The following PBX3 variants were observed in gnomAD, a reference collection of about 807,000 sequenced individuals.
The protein encoded by PBX3 is PBX homeobox 3.
A neutral mutation model predicts 48.5 loss-of-function variants in PBX3; 14 were observed. That is an observed-to-expected ratio of 0.29 (90% CI 0.19 to 0.45). PBX3 has a LOEUF of 0.45. PBX3 is among the 20% of genes least tolerant of loss of function. The pLI, the probability that PBX3 is intolerant of heterozygous loss-of-function variation, is 1.00. For synonymous variants in PBX3, 210 were observed against 200.3 expected, an observed-to-expected ratio of 1.05 and a Z score of -0.41; for missense variants, 386 against 546.7, an observed-to-expected ratio of 0.71 and a Z score of 2.93.
intron 2 of PBX3, among the ~76,000 whole-genome samples, chr9:125,857,344 T>C (rs1484075643): frequency 6.6e-6 from 1 of 152,200 alleles, no homozygotes. Flanking sequence ...TTGAGGGTCA[T>C]GTCAATACAC....
chr9:125,762,228 A>G (rs542969592), intron 2 of PBX3, among the ~76,000 whole-genome samples: 8 of 152,270 alleles, frequency 5.3e-5, no homozygotes, highest in African/African-American at 1.2e-4. Flanking sequence ...GCTGAGTACA[A>G]TCATGACTGT....
rs569780717 is a variant in PBX3, at chr9:125,860,689, A to G, written c.275-54997A>G. 1.6e-4 allele frequency among the ~76,000 whole-genome samples: 25 copies of G among 151,772 alleles called. No individual in the cohort carries two copies. The South Asian group carries it at 5.2e-3, about 32-fold the overall frequency. ...GCAGATCACCTGAGGTTAGGAGTTCAAGACCAGCCTGGCCAACATGGTGAA... is the reference window on the plus strand; with the variant it reads ...GCAGATCACCTGAGGTTAGGAGTTCGAGACCAGCCTGGCCAACATGGTGAA... On this transcript the variant is annotated intron_variant, in intron 2 of 8. Coordinates refer to ENST00000373489, the MANE Select transcript of PBX3 (RefSeq NM_006195.6).
intron 2 of PBX3, among the ~76,000 whole-genome samples, chr9:125,898,632 G>A (rs191833461): frequency 6.6e-6 from 1 of 151,740 alleles, no homozygotes; most frequent in East Asian, 1.9e-4. Context: ...ATTAAACTCA[G>A]GGGAGGCATG....
intron 2 of PBX3, among the ~76,000 whole-genome samples, chr9:125,865,889 C>A (rs1263384234): frequency 6.6e-6 from 1 of 152,066 alleles, no homozygotes; most frequent in Non-Finnish European, 1.5e-5. Flanking sequence ...TTAAGTTAGG[C>A]TGGGTAATGT....
At position 125,747,635 on chromosome 9, in the gene PBX3, T is replaced by C; in HGVS notation, c.182T>C (p.Leu61Ser). The change falls in exon 1 of 9, where the codon TTG (leucine) becomes TCG (serine). Residue 61 changes from leucine (L) to serine (S), a missense_variant. Leu to Ser is a moderately radical substitution (Grantham distance 145). Transcript: ENST00000373489. ...ATCATGACCATCACCGACCAGAGCT[T>C]GGACGAGGCGCAAGCAAAGTTGGTG... ...HQIMTITDQS[L>S]DEAQAKKHAL... is the part of the protein sequence containing the mutation. 6.3e-7 allele frequency: 1 copy of C among 1,593,076 alleles called. No homozygotes were observed. The highest frequency in any genetic ancestry group is 1.4e-5 in the African/African-American group (1 of 72,546).
intron 2 of PBX3, among the ~76,000 whole-genome samples, chr9:125,852,749 A>T (rs1474722193): frequency 6.6e-6 from 1 of 152,186 alleles, no homozygotes; most frequent in Admixed American, 6.5e-5. Flanking sequence ...TAGTTGTTAT[A>T]ACTTTTTCTG....
intron 2 of PBX3, among the ~76,000 whole-genome samples, chr9:125,852,417 C>T (rs1384693954): frequency 1.3e-5 from 2 of 152,102 alleles, no homozygotes; most frequent in Non-Finnish European, 2.9e-5. Context: ...TTAATTCAAG[C>T]CGTTAATGTG....
At chr9:125,878,080 T>A (rs1840298519) in intron 2 of PBX3, among the ~76,000 whole-genome samples, 1 of 152,252 alleles carries the variant, frequency 6.6e-6, no homozygotes, top group African/African-American at 2.4e-5. Context: ...CTTTACTGAT[T>A]TTGCCACCAT....
chr9:125,758,587 A>G (rs1185050378), intron 2 of PBX3, among the ~76,000 whole-genome samples: 3 of 152,174 alleles, frequency 2.0e-5, no homozygotes. Context: ...ATGTTCCCAT[A>G]AAGTTTTCCC....
intron 2 of PBX3, among the ~76,000 whole-genome samples, chr9:125,772,627 G>C (rs886465371): frequency 2.0e-5 from 3 of 152,216 alleles, no homozygotes; most frequent in Admixed American, 6.5e-5. Flanking sequence ...TTTTCCTAAA[G>C]TAAGGCCACT....
intron 2 of PBX3, among the ~76,000 whole-genome samples, chr9:125,777,718 G>T (rs1355468886): frequency 1.3e-5 from 2 of 151,992 alleles, no homozygotes; most frequent in Admixed American, 1.3e-4. Flanking sequence ...TTGGTCCTGG[G>T]CTTTTTTGGA....
In PBX3 at chr9:125,950,806, A is replaced by G. The variant is rs117332454; in HGVS notation, c.844-9878A>G. On this transcript the variant is annotated intron_variant, in intron 5 of 8. Transcript: ENST00000373489. ...CAAATTTGCAACTTATTTTCTTAGAAGAGAAAAAAAATTGTGTGGATTCTT... is the reference window on the plus strand; with the variant it reads ...CAAATTTGCAACTTATTTTCTTAGAGGAGAAAAAAAATTGTGTGGATTCTT... Among the ~76,000 whole-genome samples, 523 of 152,278 alleles carry G rather than the reference A, an allele frequency of 3.4e-3. 4 individuals are homozygous for G. Among genetic ancestry groups the G allele is most frequent in the Non-Finnish European group, 5.5e-3 (376 of 68,004 alleles).
In PBX3 at chr9:125,809,688, A is replaced by G. The variant is rs117302173; in HGVS notation, c.274+61065A>G. The stretch of plus-strand genomic sequence containing the variant: ...TAAACAATATAAAAATCACAATCAT[A>G]AAGGAAATATTCAGCTATATTAAAA... On this transcript the variant is annotated intron_variant, in intron 2 of 8. Transcript: ENST00000373489. 6.6e-3 allele frequency among the ~76,000 whole-genome samples: 1,007 copies of G among 152,342 alleles called. 11 individuals carry two copies. The highest frequency in any genetic ancestry group is 8.3e-3 in the Non-Finnish European group (563 of 68,036).
At chr9:125,928,755 G>A (rs745698736) in intron 3 of PBX3, among the ~76,000 whole-genome samples, 4 of 152,116 alleles carry the variant, frequency 2.6e-5, no homozygotes, top group South Asian at 2.1e-4. Flanking sequence ...GTGAGCCACC[G>A]CGCCCGGCCT....
intron 3 of PBX3, among the ~76,000 whole-genome samples, chr9:125,926,558 T>C (rs912958101): frequency 2.6e-5 from 4 of 152,020 alleles, no homozygotes; most frequent in Non-Finnish European, 4.4e-5. Context: ...GGCTCATGCC[T>C]ATAATCCCAG....
chr9:125,783,605 T>C (rs997129047), intron 2 of PBX3, among the ~76,000 whole-genome samples: 3 of 152,186 alleles, frequency 2.0e-5, no homozygotes, highest in African/African-American at 7.2e-5. Flanking sequence ...TTTGCAGTTT[T>C]AATCTCTTTG....
At chr9:125,932,539 A>G (rs1166797254) in intron 4 of PBX3, among the ~76,000 whole-genome samples, 2 of 152,252 alleles carry the variant, frequency 1.3e-5, no homozygotes, top group African/African-American at 4.8e-5. Flanking sequence ...AGATGAATGA[A>G]TAATTCCACT....
rs60326557 is a variant in PBX3, at chr9:125,943,352, C to CAAAAAAAAAAAAAAAAAAAAAAA, written c.843+7770_843+7792dup. 4.9e-5 allele frequency among the ~76,000 whole-genome samples: 3 copies of CAAAAAAAAAAAAAAAAAAAAAAA among 60,868 alleles called. 1 individual carries two copies. Among genetic ancestry groups the CAAAAAAAAAAAAAAAAAAAAAAA allele is most frequent in the Non-Finnish European group, 6.4e-5 (2 of 31,364 alleles). The allele number at this position is 60,868 out of a possible 152,430, so 39.9% of individuals were successfully genotyped here. On this transcript the variant is annotated intron_variant, in intron 5 of 8. Coordinates refer to ENST00000373489, the MANE Select transcript of PBX3 (RefSeq NM_006195.6). ...CTTGGGCTGCAGAGTGAGACTGTCTCAAAAAAAAAAAAAAAAAAAAAAAAA... is the reference window on the plus strand; with the variant it reads ...CTTGGGCTGCAGAGTGAGACTGTCTCAAAAAAAAAAAAAAAAAAAAAAAAAAAAAAAAAAAAAAAAAAAAAAAA...
chr9:125,821,426 A>G (rs565037018), intron 2 of PBX3, among the ~76,000 whole-genome samples: 33 of 152,250 alleles, frequency 2.2e-4, no homozygotes, highest in African/African-American at 7.7e-4. Context: ...GTTGAAAGAA[A>G]GAATCTTTTT....
Sources: gnomAD v4.1 joint callset for allele counts (sites outside exome capture counted in the v4.1 genomes callset) on GRCh38, gnomAD v4.1.1 for gene constraint, MANE v1.5 for transcripts, NCBI Gene and HGNC (gene_info 2026-07-23, HGNC 2026-07-21) for gene names.